Variants in MPPE1 observed in about 807,000 individuals in gnomAD.
MPPE1 encodes the protein metallo phosphoesterase.
Under a neutral mutation model 43.8 loss-of-function variants are expected in MPPE1, and 28 were observed. The ratio of observed to expected loss-of-function variants is 0.64; its 90% CI spans 0.47 to 0.88. The LOEUF is 0.88. Among genes scored for constraint, MPPE1 ranks in the 40% least tolerant of loss-of-function variants. MPPE1 has a pLI of 0.00. For missense variants in MPPE1, 428 were observed against 492.2 expected (o/e 0.87, Z 1.23); for synonymous variants, 159 against 188.5 (o/e 0.84, Z 1.28).
chr18:11,904,364 G>C (rs2039504015), intron 2 of MPPE1, among the ~76,000 whole-genome samples: 1 of 151,488 alleles, frequency 6.6e-6, no homozygotes, highest in Admixed American at 6.6e-5. Context: ...ACCCACGCTG[G>C]AGTACAGTAG....
rs767555649 is a variant in MPPE1 at position 11,886,834 on chromosome 18, A to G, written c.679-56T>C. On this transcript the variant is annotated intron_variant, in intron 7 of 10. Coordinates refer to ENST00000588072, the MANE Select transcript of MPPE1 (RefSeq NM_023075.6). The surrounding 1 kb of genome is among the most constrained non-coding windows in gnomAD (Gnocchi z 4.1). ...CACACCTGACCCTCATCAAAGGGCA[A>G]GAAGCGCTAGGGGGCTGAGTGAGCA... 6 of 1,600,462 alleles carry G rather than the reference A, an allele frequency of 3.7e-6. No individual in the cohort carries two copies. Among genetic ancestry groups the G allele is most frequent in the Non-Finnish European group, 4.3e-6 (5 of 1,171,378 alleles).
Position 11,888,722 on chromosome 18 carries a change from T to C in MPPE1, c.516A>G (p.Glu172=). The change falls in exon 6 of 11, where the codon GAA becomes GAG. Residue 172 remains glutamate (E), a synonymous_variant. Coordinates refer to ENST00000588072, the MANE Select transcript of MPPE1 (RefSeq NM_023075.6). ...CAGAGCTGAACACTTTCTCAAAGCG[T>C]TCTACTTTGTATGTGTTCATCCTAT... ...FHYEMNTYKV[E]RFEKVFSSER... is the part of the protein sequence containing the mutation. The C allele has an allele frequency of 6.3e-7, 1 of 1,597,624 alleles. No individual in the cohort carries two copies.
chr18:11,885,310 C>G, intron 10 of MPPE1: 1 of 284,396 alleles, frequency 3.5e-6, no homozygotes. Context: ...TCTGCCAGGT[C>G]AAATGGGCAT....
chr18:11,899,272 G>C (rs1170550179), intron 2 of MPPE1, among the ~76,000 whole-genome samples: 1 of 152,126 alleles, frequency 6.6e-6, no homozygotes, highest in African/African-American at 2.4e-5. Flanking sequence ...TTTTGTCTGT[G>C]CAGTGGGCAG....
rs1478535991 is a variant in MPPE1 at position 11,897,826 on chromosome 18, C to G, written c.-92-470G>C. 2.0e-5 allele frequency among the ~76,000 whole-genome samples: 3 copies of G among 152,162 alleles called. No individual in the cohort carries two copies. In the South Asian group the frequency reaches 6.2e-4, roughly 31 times the overall value. The stretch of plus-strand genomic sequence containing the variant: ...ATCACTTTTCTACTCTGCTTTTCCA[C>G]AAAATAAGTGAATATTCATGGACAA... On this transcript the variant is annotated intron_variant, in intron 2 of 10. Transcript: ENST00000588072.
In MPPE1 at chr18:11,895,635, C is replaced by T. The variant is rs547031861; in HGVS notation, c.281+1349G>A. Among the ~76,000 whole-genome samples, 4 of 151,984 alleles carry T rather than the reference C, an allele frequency of 2.6e-5. No homozygotes were observed. The South Asian group carries it at 8.3e-4, about 32-fold the overall frequency. ...CTCACTGGAGGCTCAAACTCTGGTG[C>T]TCAAAGTAGCTCAAGCGATCCTCCT... On this transcript the variant is annotated intron_variant, in intron 3 of 10. Transcript: ENST00000588072.
At chr18:11,888,114 G>A (rs1407862232) in intron 6 of MPPE1, among the ~76,000 whole-genome samples, 4 of 152,206 alleles carry the variant, frequency 2.6e-5, no homozygotes, top group Admixed American at 6.5e-5. Context: ...AGCCCAGAAA[G>A]GATGTAGAGA....
intron 2 of MPPE1, among the ~76,000 whole-genome samples, chr18:11,904,392 G>GCAA (rs1378670984): frequency 4.6e-5 from 7 of 151,712 alleles, no homozygotes; most frequent in African/African-American, 7.3e-5. Context: ...CCAGCTCAGT[G>GCAA]CAACCTCCGC....
Position 11,884,197 on chromosome 18 carries a change from C to A in MPPE1, c.*248G>T. On this transcript the variant is annotated 3_prime_UTR_variant, in exon 11 of 11. Coordinates refer to ENST00000588072, the MANE Select transcript of MPPE1 (RefSeq NM_023075.6). ...GCATTTACATACTGTACAGATGCAA[C>A]CTTTGATGATACATATATTTGATAA... 1 of 471,236 alleles carries A rather than the reference C, an allele frequency of 2.1e-6. No individual in the cohort carries two copies. The highest frequency in any genetic ancestry group is 3.9e-6 in the Non-Finnish European group (1 of 258,542). 29.2% of individuals were successfully genotyped at this position (471,236 alleles called of 1,614,324 possible).
rs1314250826 is a variant in MPPE1 at position 11,896,377 on chromosome 18, C to CA, written c.281+606dup. Among the ~76,000 whole-genome samples, 6 of 152,194 alleles carry CA rather than the reference C, an allele frequency of 3.9e-5. No individual in the cohort carries two copies. The East Asian group carries it at 1.2e-3, about 29-fold the overall frequency. On this transcript the variant is annotated intron_variant, in intron 3 of 10. Coordinates refer to ENST00000588072, the MANE Select transcript of MPPE1 (RefSeq NM_023075.6). ...TTGGCCTCCCAAAGTGCTGGGATTA[C>CA]AGGCGTGAGCCAGTGCACCTGGCCT...
At chr18:11,893,438 G>C (rs368133200) in intron 4 of MPPE1, 30 bp downstream of exon 4, 11 of 1,505,036 alleles carry the variant, frequency 7.3e-6, no homozygotes, top group Non-Finnish European at 1.0e-5. Context: ...CTCACAGCAG[G>C]ATGAGGGCAC....
intron 2 of MPPE1, 165 bp from the exon 3 acceptor site, chr18:11,897,521 C>G (rs1489336587): frequency 2.4e-6 from 1 of 422,848 alleles, no homozygotes; most frequent in Non-Finnish European, 4.2e-6. Flanking sequence ...AGGAAAACAA[C>G]TGACCTCTCT....
chr18:11,906,948 T>C (rs976664802), intron 1 of MPPE1, among the ~76,000 whole-genome samples: 4 of 152,128 alleles, frequency 2.6e-5, no homozygotes, highest in African/African-American at 9.7e-5. Flanking sequence ...CACCGCCCAT[T>C]GTAAATCAAA....
chr18:11,896,597 C>G (rs1321088545), intron 3 of MPPE1, among the ~76,000 whole-genome samples: 1 of 152,174 alleles, frequency 6.6e-6, no homozygotes, highest in Non-Finnish European at 1.5e-5. Flanking sequence ...GATGGGACCA[C>G]CAACCCACAT....
At chr18:11,896,146 G>GATAGAATCTTGCTCT (rs2038594324) in intron 3 of MPPE1, among the ~76,000 whole-genome samples, 1 of 137,796 alleles carries the variant, frequency 7.3e-6, no homozygotes, top group East Asian at 2.2e-4. Flanking sequence ...CTGTTGCCCA[G>GATAGAATCTTGCTCT]GCTGGAGTGC....
intron 2 of MPPE1, among the ~76,000 whole-genome samples, chr18:11,904,195 G>A (rs2143328439): frequency 6.9e-6 from 1 of 145,702 alleles, no homozygotes; most frequent in Non-Finnish European, 1.5e-5. Flanking sequence ...AGGGGATGGG[G>A]GAGCAAACAG....
chr18:11,897,334 G>A lies in MPPE1; in HGVS notation c.-70C>T, dbSNP rs2038712025. 7 of 1,024,592 alleles carry A rather than the reference G, an allele frequency of 6.8e-6. No individual in the cohort carries two copies. The highest frequency in any genetic ancestry group is 8.7e-6 in the Non-Finnish European group (6 of 687,966). 63.5% of individuals were successfully genotyped at this position (1,024,592 alleles called of 1,614,324 possible). A position where few individuals can be genotyped will look rare whatever the true frequency, so the allele number is the denominator to read the frequency against. On this transcript the variant is annotated 5_prime_UTR_variant, in exon 3 of 11. Coordinates refer to ENST00000588072, the MANE Select transcript of MPPE1 (RefSeq NM_023075.6). ...CTGCAGAGCCCTGGGGAGGGTGATG[G>A]CATTCAGGTCTTAGCTGGGCACCTA...
At chr18:11,892,436 G>A (rs557703102) in intron 4 of MPPE1, among the ~76,000 whole-genome samples, 28 of 151,474 alleles carry the variant, frequency 1.8e-4, no homozygotes, top group Admixed American at 1.6e-3. Context: ...TTGGGAGGCC[G>A]AGGTGGGCAG....
Position 11,889,442 on chromosome 18 carries a change from T to C in MPPE1, c.439A>G (p.Ser147Gly). The change falls in exon 5 of 11, where the codon AGT becomes GGT. Residue 147 changes from serine (S) to glycine (G), a missense_variant. Around this residue, in one of 3 missense-constraint regions of MPPE1, gnomAD observed 379 missense variants for 402.5 expected, o/e 0.94. Coordinates refer to ENST00000588072, the MANE Select transcript of MPPE1 (RefSeq NM_023075.6). ...ERFQKMFRHP[S>G]HVQLKVVAGN... ...GCAACTACCTTCAGCTGTACATGACTTGGGTGTCTGAACATTTTCTGAAAC... is the reference window on the plus strand; with the variant it reads ...GCAACTACCTTCAGCTGTACATGACCTGGGTGTCTGAACATTTTCTGAAAC... 6 of 1,613,586 alleles carry C rather than the reference T, an allele frequency of 3.7e-6. No individual in the cohort carries two copies. Among genetic ancestry groups the C allele is most frequent in the Non-Finnish European group, 4.2e-6 (5 of 1,179,768 alleles).
Sources: allele counts gnomAD v4.1 joint callset (sites outside exome capture counted in the v4.1 genomes callset), GRCh38; gene constraint gnomAD v4.1.1; regional missense constraint gnomAD v4.1.1; non-coding constraint Gnocchi (gnomAD v3.1); transcripts MANE v1.5; gene names NCBI Gene and HGNC (gene_info 2026-07-23, HGNC 2026-07-21).